The following DPP10 variants were observed in gnomAD, a reference collection of about 807,000 sequenced individuals.
DPP10 encodes inactive dipeptidyl peptidase 10.
DPP10 carries 33 observed loss-of-function variants against 120.9 expected under a neutral mutation model. That is an observed-to-expected ratio of 0.27 (90% CI 0.21 to 0.37). DPP10 has a LOEUF of 0.37. Ranked by LOEUF, DPP10 falls within the 10% of genes least tolerant of loss-of-function variation. DPP10 has a pLI of 1.00. For synonymous variants in DPP10, 337 were observed against 326.1 expected, an observed-to-expected ratio of 1.03 and a Z score of -0.36; for missense variants, 816 against 942.8, an observed-to-expected ratio of 0.87 and a Z score of 1.76.
intron 13 of DPP10, 27 bp downstream of exon 13, chr2:115,768,431 T>C: frequency 6.3e-7 from 1 of 1,596,892 alleles, no homozygotes; most frequent in Non-Finnish European, 8.6e-7. Context: ...TTCCATGTTT[T>C]GATTTCATTG....
At chr2:115,552,724 ATAAAT>A (rs1293190655) in intron 5 of DPP10, among the ~76,000 whole-genome samples, 2 of 152,104 alleles carry the variant, frequency 1.3e-5, no homozygotes, top group East Asian at 3.9e-4. Context: ...ATATTCATCA[ATAAAT>A]TAAATATTTA....
chr2:114,623,405 A>G (rs1694249162), intron 1 of DPP10, among the ~76,000 whole-genome samples: 1 of 152,136 alleles, frequency 6.6e-6, no homozygotes, highest in South Asian at 2.1e-4. Context: ...AAAGACAAAT[A>G]CATTCTAAAA....
At chr2:114,830,338 C>T (rs760580868) in intron 1 of DPP10, among the ~76,000 whole-genome samples, 2 of 152,150 alleles carry the variant, frequency 1.3e-5, no homozygotes, top group African/African-American at 2.4e-5. Context: ...TCAAAGATGA[C>T]GCATGTTTCC....
intron 1 of DPP10, among the ~76,000 whole-genome samples, chr2:114,732,918 T>G (rs1057389390): frequency 6.6e-6 from 1 of 152,130 alleles, no homozygotes; most frequent in African/African-American, 2.4e-5. Flanking sequence ...GTCACAAAAC[T>G]GGTATGAGTT....
intron 1 of DPP10, among the ~76,000 whole-genome samples, chr2:115,068,877 G>A (rs550241901): frequency 1.3e-5 from 2 of 152,242 alleles, no homozygotes; most frequent in Non-Finnish European, 2.9e-5. Flanking sequence ...GACAATAAAT[G>A]TGTGGATTTA....
chr2:115,733,465 G>A (rs1442666885), intron 8 of DPP10, among the ~76,000 whole-genome samples: 6 of 152,018 alleles, frequency 3.9e-5, no homozygotes, highest in African/African-American at 1.4e-4. Context: ...CTTGACAGGA[G>A]TAAAATCAGT....
At chr2:115,165,921 T>G (rs2052804089) in intron 1 of DPP10, among the ~76,000 whole-genome samples, 1 of 152,236 alleles carries the variant, frequency 6.6e-6, no homozygotes, top group Non-Finnish European at 1.5e-5. Flanking sequence ...ATGCATTTTC[T>G]TTAAAAAAAT....
intron 5 of DPP10, 21 bp from the exon 6 acceptor site, chr2:115,689,666 A>T (rs765332651): frequency 7.1e-6 from 10 of 1,413,188 alleles, no homozygotes; most frequent in Non-Finnish European, 9.7e-6. Context: ...ATGATCAATA[A>T]TGTTTCTTTT....
intron 4 of DPP10, among the ~76,000 whole-genome samples, chr2:115,508,423 G>C (rs542224997): frequency 6.6e-6 from 1 of 152,096 alleles, no homozygotes; most frequent in Non-Finnish European, 1.5e-5. Flanking sequence ...TATTAAGGGA[G>C]ATATGCACTA....
chr2:114,790,394 A>G (rs1034312681), intron 1 of DPP10, among the ~76,000 whole-genome samples: 1 of 152,198 alleles, frequency 6.6e-6, no homozygotes, highest in Non-Finnish European at 1.5e-5. Context: ...AAGAGTACAG[A>G]TAAGATGAGG....
intron 1 of DPP10, among the ~76,000 whole-genome samples, chr2:115,168,686 T>C (rs995517179): frequency 5.3e-5 from 8 of 152,218 alleles, no homozygotes; most frequent in Non-Finnish European, 1.2e-4. Flanking sequence ...TGACTACATA[T>C]TAACTCAAGG....
At chr2:115,679,874 C>T (rs77993750) in intron 5 of DPP10, among the ~76,000 whole-genome samples, 2,995 of 151,710 alleles carry the variant, frequency 0.02, 91 homozygotes, top group African/African-American at 0.067. Context: ...AAAGAGGTTT[C>T]ATAAAGGATA....
rs140757131 is a variant in DPP10, at chr2:114,448,955, T to C, written c.60+6117T>C. Reference sequence around the variant, plus strand: ...TGATATTGTAAGGTGTTACTCAACATGTAAGCAGGTTAGAGGCCTTGCTTT... The same window carrying C: ...TGATATTGTAAGGTGTTACTCAACACGTAAGCAGGTTAGAGGCCTTGCTTT... On this transcript the variant is annotated intron_variant, in intron 1 of 25. Coordinates refer to ENST00000410059, the MANE Select transcript of DPP10 (RefSeq NM_020868.6). Among the ~76,000 whole-genome samples, 467 of 152,340 alleles carry C rather than the reference T, an allele frequency of 3.1e-3. 2 individuals are homozygous for C. The highest frequency in any genetic ancestry group is 0.01 in the African/African-American group (421 of 41,592).
chr2:115,471,078 T>G (rs2074683071), intron 3 of DPP10, among the ~76,000 whole-genome samples: 1 of 152,220 alleles, frequency 6.6e-6, no homozygotes, highest in South Asian at 2.1e-4. Flanking sequence ...ATCTGAGCAT[T>G]AATATTTATT....
intron 1 of DPP10, among the ~76,000 whole-genome samples, chr2:114,826,818 G>A (rs539569350): frequency 4.1e-4 from 62 of 152,286 alleles, no homozygotes; most frequent in Non-Finnish European, 6.3e-4. Flanking sequence ...GTGAGCCACC[G>A]TGCTGGGCCA....
At position 115,448,244 on chromosome 2, in the gene DPP10, C is replaced by T. The variant is rs535395745; in HGVS notation, c.272-51266C>T. Among the ~76,000 whole-genome samples the T allele has an allele frequency of 5.3e-5, 8 of 152,030 alleles. No individual in the cohort carries two copies. In the South Asian group the frequency reaches 6.2e-4, roughly 12 times the overall value. On this transcript the variant is annotated intron_variant, in intron 3 of 25. Coordinates refer to ENST00000410059, the MANE Select transcript of DPP10 (RefSeq NM_020868.6). ...AAAATGGAGATCTCCCTTAGAGACT[C>T]GGGATAGAGAAAGAAGCAGCTAAAA...
chr2:114,939,283 G>T (rs1696720440), intron 1 of DPP10, among the ~76,000 whole-genome samples: 2 of 152,008 alleles, frequency 1.3e-5, no homozygotes, highest in South Asian at 4.1e-4. Context: ...GGGGGGGGTG[G>T]TTAGGCATCC....
chr2:114,453,272 C>T (rs1678385609), intron 1 of DPP10, among the ~76,000 whole-genome samples: 1 of 152,150 alleles, frequency 6.6e-6, no homozygotes, highest in South Asian at 2.1e-4. Flanking sequence ...AACATTGTCC[C>T]CGATTGCTTC....
At chr2:115,622,829 C>CTTTTTTTTTTTT (rs765780452) in intron 5 of DPP10, among the ~76,000 whole-genome samples, 2 of 128,338 alleles carry the variant, frequency 1.6e-5, no homozygotes, top group Non-Finnish European at 3.3e-5. Context: ...TTCGTTTATT[C>CTTTTTTTTTTTT]TTTTTTTTTT....
Sources: allele counts gnomAD v4.1 joint callset (sites outside exome capture counted in the v4.1 genomes callset), GRCh38; gene constraint gnomAD v4.1.1; transcripts MANE v1.5; gene names NCBI Gene and HGNC (gene_info 2026-07-23, HGNC 2026-07-21).